The following THSD7A variants were observed in gnomAD, a reference collection of about 807,000 sequenced individuals.
The protein encoded by THSD7A is thrombospondin type 1 domain containing 7A.
THSD7A carries 96 observed loss-of-function variants against 231.3 expected under a neutral mutation model. That is an observed-to-expected ratio of 0.41 (90% CI 0.35 to 0.49). The LOEUF is 0.49. Among genes scored for constraint, THSD7A ranks in the 20% least tolerant of loss-of-function variants. The probability of loss-of-function intolerance (pLI) is 0.05; values close to 1 mark genes in which losing one functional copy is unlikely to be tolerated. For missense variants in THSD7A, 2,290 were observed against 2,070.2 expected (o/e 1.11, Z -2.06); for synonymous variants, 940 against 743.3 (o/e 1.26, Z -4.30).
At position 11,428,886 on chromosome 7, in the gene THSD7A, GAAAAAATCAGATC is replaced by G. The variant is rs1282443540; in HGVS notation, c.3243+48_3243+60del. 3.3e-6 allele frequency: 5 copies of G among 1,525,500 alleles called. No individual in the cohort carries two copies. In the African/African-American group the frequency reaches 7.1e-5, roughly 22 times the overall value. The allele number at this position is 1,525,500 out of a possible 1,614,324, so 94.5% of individuals were successfully genotyped here. A position where few individuals can be genotyped will look rare whatever the true frequency, so the allele number is the denominator to read the frequency against. The stretch of plus-strand genomic sequence containing the variant: ...ATTATTTCCTCTTCTCCATTTTGGA[GAAAAAATCAGATC>G]ATTGTGAATCTCAACAATATCTTAA... On this transcript the variant is annotated intron_variant, in intron 14 of 27. Transcript: ENST00000423059.
chr7:11,504,031 T>A (rs1400177965), intron 6 of THSD7A, among the ~76,000 whole-genome samples: 2 of 152,146 alleles, frequency 1.3e-5, no homozygotes, highest in African/African-American at 2.4e-5. Flanking sequence ...GCAGCACTTT[T>A]CACAATAGCA....
At chr7:11,667,132 T>C (rs1038162279) in intron 1 of THSD7A, among the ~76,000 whole-genome samples, 1 of 152,040 alleles carries the variant, frequency 6.6e-6, no homozygotes, top group Admixed American at 6.6e-5. Flanking sequence ...GGTGATGATT[T>C]CTGACATTTA....
intron 1 of THSD7A, among the ~76,000 whole-genome samples, chr7:11,784,253 T>C (rs1173011187): frequency 6.6e-6 from 1 of 151,806 alleles, no homozygotes; most frequent in Non-Finnish European, 1.5e-5. Flanking sequence ...TGTGTGTATA[T>C]ATATATACAT....
rs538869556 is a variant in THSD7A, at chr7:11,591,330, G to A, written c.1272-689C>T. Reference sequence around the variant, plus strand: ...TGTCAGGGGATTGTCAGTCCAACACGTGATTGAAGGAGATAGCTAGGGAAA... The same window carrying A: ...TGTCAGGGGATTGTCAGTCCAACACATGATTGAAGGAGATAGCTAGGGAAA... On this transcript the variant is annotated intron_variant, in intron 3 of 27. Transcript: ENST00000423059. Among the ~76,000 whole-genome samples, 17 of 152,164 alleles carry A rather than the reference G, an allele frequency of 1.1e-4. No homozygotes were observed. The South Asian group carries it at 2.7e-3, about 24-fold the overall frequency.
intron 1 of THSD7A, chr7:11,820,957 G>T: frequency 9.7e-7 from 1 of 1,033,436 alleles, no homozygotes. Flanking sequence ...TTTTTATGAC[G>T]TTCAATATCA....
chr7:11,738,480 T>C (rs1781992869), intron 1 of THSD7A, among the ~76,000 whole-genome samples: 1 of 152,066 alleles, frequency 6.6e-6, no homozygotes, highest in African/African-American at 2.4e-5. Context: ...AATACTTTAC[T>C]CTTCTTTTGA....
At chr7:11,656,359 T>C (rs758810618) in intron 1 of THSD7A, among the ~76,000 whole-genome samples, 4 of 151,844 alleles carry the variant, frequency 2.6e-5, no homozygotes, top group Non-Finnish European at 5.9e-5. Flanking sequence ...GTGCTAAAAA[T>C]GTTGTGGGCA....
chr7:11,548,863 A>G (rs1256659765), intron 4 of THSD7A, among the ~76,000 whole-genome samples: 3 of 149,432 alleles, frequency 2.0e-5, no homozygotes, highest in African/African-American at 2.5e-5. Flanking sequence ...AAAAAAAGCC[A>G]TCTATGACAA....
intron 9 of THSD7A, among the ~76,000 whole-genome samples, chr7:11,469,022 A>G (rs1469392695): frequency 6.6e-6 from 1 of 152,160 alleles, no homozygotes; most frequent in African/African-American, 2.4e-5. Flanking sequence ...AAAGGATTTG[A>G]TTAAATTTTG....
At chr7:11,507,240 AT>A (rs1235688776) in intron 6 of THSD7A, among the ~76,000 whole-genome samples, 10 of 152,276 alleles carry the variant, frequency 6.6e-5, no homozygotes, top group Non-Finnish European at 1.5e-4. Context: ...CTCACTCTAC[AT>A]TTTAATTTTT....
rs763444091 is a variant in THSD7A at position 11,590,673 on chromosome 7, A to G, written c.1272-32T>C. On this transcript the variant is annotated intron_variant, in intron 3 of 27. Transcript: ENST00000423059. This position sits in a 1 kb window ranked among gnomAD's most constrained non-coding sequence, Gnocchi z 4.4. ...AAAGACAACACCACCAGCAGCAACC[A>G]TAATTATTGAATGACGTGTTTCTCT... The G allele has an allele frequency of 3.8e-6, 6 of 1,562,526 alleles. No homozygotes were observed. Among genetic ancestry groups the G allele is most frequent in the Admixed American group, 4.0e-5 (2 of 50,328 alleles).
At chr7:11,448,275 T>G (rs1198183583) in intron 11 of THSD7A, among the ~76,000 whole-genome samples, 2 of 152,146 alleles carry the variant, frequency 1.3e-5, no homozygotes, top group Non-Finnish European at 2.9e-5. Flanking sequence ...CATATACATA[T>G]GAGTGTTTTA....
At chr7:11,550,075 T>C (rs1228959221) in intron 4 of THSD7A, among the ~76,000 whole-genome samples, 3 of 152,266 alleles carry the variant, frequency 2.0e-5, no homozygotes, top group East Asian at 3.9e-4. Context: ...TATGCTTTTA[T>C]ACCTAGAAAA....
At chr7:11,477,482 G>C (rs1583816719) in intron 7 of THSD7A, among the ~76,000 whole-genome samples, 4 of 151,016 alleles carry the variant, frequency 2.6e-5, no homozygotes, top group Non-Finnish European at 4.4e-5. Context: ...CTCTATTAGG[G>C]AAATATTTGA....
Position 11,562,479 on chromosome 7 carries a change from C to T in THSD7A, c.1454-19362G>A, listed in dbSNP as rs529803979. On this transcript the variant is annotated intron_variant, in intron 4 of 27. Transcript: ENST00000423059. ...TTCAGGCACTCAAAACCTCCTGATA[C>T]GTATTTTTTTTTCCATTGTCATCCC... 6.6e-4 allele frequency among the ~76,000 whole-genome samples: 101 copies of T among 152,174 alleles called. 1 individual carries two copies. Among genetic ancestry groups the T allele is most frequent in the Middle Eastern group, 3.4e-3 (1 of 294 alleles).
intron 4 of THSD7A, among the ~76,000 whole-genome samples, chr7:11,561,660 T>C (rs1379829512): frequency 4.6e-5 from 7 of 152,086 alleles, no homozygotes; most frequent in African/African-American, 1.7e-4. Flanking sequence ...TACTTGAGGC[T>C]AGGAGTTCAA....
chr7:11,572,166 C>G (rs1790662780), intron 4 of THSD7A, among the ~76,000 whole-genome samples: 1 of 151,864 alleles, frequency 6.6e-6, no homozygotes, highest in Non-Finnish European at 1.5e-5. Context: ...GCAGTGTCCC[C>G]ACCTTGGCCT....
At chr7:11,560,665 C>T (rs1235603204) in intron 4 of THSD7A, among the ~76,000 whole-genome samples, 3 of 152,076 alleles carry the variant, frequency 2.0e-5, no homozygotes, top group African/African-American at 7.2e-5. Flanking sequence ...TATTGAAACT[C>T]CTTAAAAATA....
chr7:11,514,590 T>C (rs564625235), intron 6 of THSD7A, among the ~76,000 whole-genome samples: 1 of 152,310 alleles, frequency 6.6e-6, no homozygotes, highest in African/African-American at 2.4e-5. Flanking sequence ...ATATATTTTC[T>C]ATTTATTTAA....
Sources: allele counts gnomAD v4.1 joint callset (sites outside exome capture counted in the v4.1 genomes callset), GRCh38; gene constraint gnomAD v4.1.1; non-coding constraint Gnocchi (gnomAD v3.1); transcripts MANE v1.5; gene names NCBI Gene and HGNC (gene_info 2026-07-23, HGNC 2026-07-21).